The following MMP16 variants were observed in gnomAD, a reference collection of about 807,000 sequenced individuals.
MMP16 encodes the protein matrix metallopeptidase 16, also known as matrix metalloproteinase-16.
MMP16 carries 12 observed loss-of-function variants against 67.8 expected under a neutral mutation model. That is an observed-to-expected ratio of 0.18 (90% CI 0.11 to 0.29). The LOEUF (loss-of-function observed/expected upper bound fraction) is 0.29. MMP16 is among the 10% of genes least tolerant of loss of function. The probability of loss-of-function intolerance (pLI) is 1.00; values close to 1 mark genes in which losing one functional copy is unlikely to be tolerated. For synonymous variants in MMP16, 249 were observed against 255.9 expected, an observed-to-expected ratio of 0.97 and a Z score of 0.26; for missense variants, 475 against 765.7, an observed-to-expected ratio of 0.62 and a Z score of 4.48.
intron 3 of MMP16, among the ~76,000 whole-genome samples, chr8:88,175,916 T>G (rs1426017836): frequency 1.3e-5 from 2 of 152,226 alleles, no homozygotes; most frequent in Non-Finnish European, 2.9e-5. Flanking sequence ...CCTGCTGCCA[T>G]GTAAGTTGTG....
At chr8:88,260,552 A>G (rs1045811879) in intron 1 of MMP16, among the ~76,000 whole-genome samples, 5 of 152,088 alleles carry the variant, frequency 3.3e-5, no homozygotes, top group Admixed American at 3.3e-4. Flanking sequence ...TAAAAACAGG[A>G]TATTATCTCT....
chr8:88,082,422 C>A (rs1808767228), intron 6 of MMP16, among the ~76,000 whole-genome samples: 1 of 151,968 alleles, frequency 6.6e-6, no homozygotes, highest in South Asian at 2.1e-4. Flanking sequence ...CTCTGTCAAT[C>A]CACTTCAAAT....
intron 1 of MMP16, among the ~76,000 whole-genome samples, chr8:88,286,005 T>G (rs1039609811): frequency 6.6e-6 from 1 of 152,190 alleles, no homozygotes; most frequent in African/African-American, 2.4e-5. Context: ...ACCCACTCCA[T>G]TTGGGTTGAG....
At chr8:88,075,517 T>C (rs1425070875) in intron 6 of MMP16, among the ~76,000 whole-genome samples, 1 of 152,048 alleles carries the variant, frequency 6.6e-6, no homozygotes, top group Non-Finnish European at 1.5e-5. Context: ...CCATAATACT[T>C]ACTAAGGGCA....
chr8:88,228,144 C>T (rs980201698), intron 1 of MMP16, among the ~76,000 whole-genome samples: 8 of 152,040 alleles, frequency 5.3e-5, no homozygotes, highest in Non-Finnish European at 1.2e-4. Flanking sequence ...AAAGGGAGCA[C>T]TGAATCAAGC....
At chr8:88,301,325 T>C (rs1270693638) in intron 1 of MMP16, among the ~76,000 whole-genome samples, 1 of 152,146 alleles carries the variant, frequency 6.6e-6, no homozygotes, top group African/African-American at 2.4e-5. Context: ...ACTGCATAAA[T>C]CTTACATACA....
intron 6 of MMP16, 151 bp downstream of exon 6, chr8:88,116,356 T>G: frequency 1.5e-6 from 1 of 670,730 alleles, no homozygotes; most frequent in Non-Finnish European, 2.5e-6. Context: ...TTTAAGCCCA[T>G]TTGTGCATTT....
At chr8:88,090,709 T>C (rs539707353) in intron 6 of MMP16, among the ~76,000 whole-genome samples, 89 of 151,994 alleles carry the variant, frequency 5.9e-4, no homozygotes, top group African/African-American at 2.1e-3. Context: ...ACAATATATA[T>C]CTTAAAGAGC....
At chr8:88,082,180 CA>C (rs1185379650) in intron 6 of MMP16, among the ~76,000 whole-genome samples, 1 of 151,962 alleles carries the variant, frequency 6.6e-6, no homozygotes, top group Non-Finnish European at 1.5e-5. Context: ...CACACACACA[CA>C]GTTTATAAAT....
intron 6 of MMP16, among the ~76,000 whole-genome samples, chr8:88,089,423 T>C (rs1284791988): frequency 6.6e-6 from 1 of 151,828 alleles, no homozygotes; most frequent in Admixed American, 6.6e-5. Flanking sequence ...AGGTAGGATG[T>C]TGTGGGGATG....
At chr8:88,133,802 A>T (rs1017742894) in intron 4 of MMP16, among the ~76,000 whole-genome samples, 1 of 151,856 alleles carries the variant, frequency 6.6e-6, no homozygotes, top group African/African-American at 2.4e-5. Context: ...CATGGTTCGC[A>T]TTATAACTAT....
At position 88,148,222 on chromosome 8, in the gene MMP16, T is replaced by C. The variant is rs953302282; in HGVS notation, c.709+19447A>G. Among the ~76,000 whole-genome samples the C allele has an allele frequency of 7.2e-5, 11 of 152,190 alleles. 1 individual carries two copies. Among genetic ancestry groups the C allele is most frequent in the Admixed American group, 6.5e-4 (10 of 15,282 alleles). On this transcript the variant is annotated intron_variant, in intron 4 of 9. Transcript: ENST00000286614. ...ATGTCTGCTCAATTCTGTGATTCCATTTTTTCCTTTTTAAAGACATCCTGC... is the reference window on the plus strand; with the variant it reads ...ATGTCTGCTCAATTCTGTGATTCCACTTTTTCCTTTTTAAAGACATCCTGC...
At chr8:88,293,985 G>C (rs1168911002) in intron 1 of MMP16, among the ~76,000 whole-genome samples, 2 of 151,952 alleles carry the variant, frequency 1.3e-5, no homozygotes, top group African/African-American at 2.4e-5. Context: ...TTCAAAGCTA[G>C]ACCAACCATC....
At chr8:88,279,733 T>G (rs928797804) in intron 1 of MMP16, among the ~76,000 whole-genome samples, 6 of 152,270 alleles carry the variant, frequency 3.9e-5, no homozygotes, top group Non-Finnish European at 7.4e-5. Flanking sequence ...GGGAGGAGTG[T>G]CTGCCACAAA....
intron 1 of MMP16, among the ~76,000 whole-genome samples, chr8:88,324,343 A>T (rs544528607): frequency 2.0e-5 from 3 of 152,298 alleles, no homozygotes; most frequent in Admixed American, 6.5e-5. Flanking sequence ...GGAAAGAGTT[A>T]ACATGAATAC....
At chr8:88,248,730 G>A (rs1238814417) in intron 1 of MMP16, among the ~76,000 whole-genome samples, 4 of 150,794 alleles carry the variant, frequency 2.7e-5, no homozygotes. Context: ...GGAAAAAGGA[G>A]TTGTCCTCTA....
intron 1 of MMP16, among the ~76,000 whole-genome samples, chr8:88,278,656 C>T (rs554458484): frequency 6.6e-6 from 1 of 152,094 alleles, no homozygotes; most frequent in Non-Finnish European, 1.5e-5. Flanking sequence ...GGATTTTGTA[C>T]ATAATTTTGA....
Position 88,033,442 on chromosome 8 carries a change from A to G in MMP16, c.*8019T>C, listed in dbSNP as rs1808011564. 6.6e-6 allele frequency: 1 copy of G among 151,694 alleles called. No individual in the cohort carries two copies. Among genetic ancestry groups the G allele is most frequent in the Non-Finnish European group, 1.5e-5 (1 of 67,856 alleles). 9.4% of individuals were successfully genotyped at this position (151,694 alleles called of 1,614,324 possible). On this transcript the variant is annotated 3_prime_UTR_variant, in exon 10 of 10. Transcript: ENST00000286614. The stretch of plus-strand genomic sequence containing the variant: ...AATAAAGGTATACACGTTTTAAAAT[A>G]TCTTAAAGATAGGTTACTATACTGA...
At chr8:88,299,910 AG>A (rs1392230119) in intron 1 of MMP16, among the ~76,000 whole-genome samples, 2 of 152,232 alleles carry the variant, frequency 1.3e-5, no homozygotes, top group East Asian at 3.8e-4. Context: ...TTATATAAAC[AG>A]CAAAAGGTTT....
Sources: gnomAD v4.1 joint callset for allele counts (sites outside exome capture counted in the v4.1 genomes callset) on GRCh38, gnomAD v4.1.1 for gene constraint, MANE v1.5 for transcripts, NCBI Gene and HGNC (gene_info 2026-07-23, HGNC 2026-07-21) for gene names.